Variants in OTOF observed in about 807,000 individuals in gnomAD.
OTOF encodes otoferlin.
OTOF carries 218 observed loss-of-function variants against 236.8 expected under a neutral mutation model. That is an observed-to-expected ratio of 0.92 (90% CI 0.82 to 1.03). The LOEUF (loss-of-function observed/expected upper bound fraction) is 1.03. Ranked by LOEUF, OTOF falls within the 50% of genes least tolerant of loss-of-function variation. The probability of loss-of-function intolerance (pLI) is 0.00; values close to 1 mark genes in which losing one functional copy is unlikely to be tolerated. For missense variants in OTOF, 2,590 were observed against 2,694.4 expected (o/e 0.96, Z 0.86); for synonymous variants, 1,041 against 1,072.5 (o/e 0.97, Z 0.57).
At chr2:26,475,692 CCT>C in intron 24 of OTOF, among the ~76,000 whole-genome samples, 199 bp from the exon 25 acceptor site, 1 of 152,290 alleles carries the variant, frequency 6.6e-6, no homozygotes, top group Non-Finnish European at 1.5e-5. Flanking sequence ...CCTTGTCGTC[CCT>C]GTCTTGTGAA....
intron 3 of OTOF, among the ~76,000 whole-genome samples, chr2:26,526,506 A>G (rs948668574): frequency 5.9e-5 from 9 of 152,054 alleles, no homozygotes; most frequent in South Asian, 2.1e-4. Context: ...TGGATGGATG[A>G]ATGGATCAAT....
In OTOF at chr2:26,461,639, G is replaced by C; in HGVS notation, c.5533+57C>G. 6.2e-7 allele frequency: 1 copy of C among 1,607,816 alleles called. No individual in the cohort carries two copies. The highest frequency in any genetic ancestry group is 8.5e-7 in the Non-Finnish European group (1 of 1,178,998). On this transcript the variant is annotated intron_variant, in intron 43 of 46. Coordinates refer to ENST00000272371, the MANE Select transcript of OTOF (RefSeq NM_194248.3). This position sits in a 1 kb window ranked among gnomAD's most constrained non-coding sequence, Gnocchi z 6.2. ...GGCTCTCCCTGTCCCCGCCAACCCG[G>C]CCCCTGCCTCTTCTCAGTTCTGGAT...
chr2:26,498,580 C>T (rs1049693807), intron 8 of OTOF, among the ~76,000 whole-genome samples: 72 of 152,326 alleles, frequency 4.7e-4, no homozygotes, highest in African/African-American at 1.7e-3. Flanking sequence ...AAGAGGCAAA[C>T]GGAGCCACAG....
Position 26,477,883 on chromosome 2 carries a change from T to G in OTOF, c.2215-134A>C. Reference sequence around the variant, plus strand: ...GCTCTCGCTAGGGCCATCCTGAGTATCGGTCATCATGAGGAAGTCATCAAT... The same window carrying G: ...GCTCTCGCTAGGGCCATCCTGAGTAGCGGTCATCATGAGGAAGTCATCAAT... On this transcript the variant is annotated intron_variant, in intron 18 of 46. Transcript: ENST00000272371. This position sits in a 1 kb window ranked among gnomAD's most constrained non-coding sequence, Gnocchi z 4.7. 1 of 1,546,812 alleles carries G rather than the reference T, an allele frequency of 6.5e-7. No individual in the cohort carries two copies. The highest frequency in any genetic ancestry group is 1.4e-5 in the African/African-American group (1 of 72,934).
chr2:26,538,508 C>A (rs1558523154), intron 1 of OTOF, among the ~76,000 whole-genome samples: 1 of 152,240 alleles, frequency 6.6e-6, no homozygotes. Context: ...CCCACTAGGG[C>A]ATGTTGGGAG....
chr2:26,489,694 T>G lies in OTOF; in HGVS notation c.944A>C (p.Lys315Thr), dbSNP rs752314006. Reference sequence around the variant, plus strand: ...CCCACTCACCGAAATCTTGATGATCTTGTCAAACATGACATCCGGAGAGAC... The same window carrying G: ...CCCACTCACCGAAATCTTGATGATCGTGTCAAACATGACATCCGGAGAGAC... ...FHVSPDVMFD[K>T]IIKISVIHSK... Residue 315 changes from lysine to threonine, a missense_variant, in exon 10 of 47, where the codon AAG (lysine) becomes ACG (threonine). Physicochemically the swap from Lys to Thr is moderately conservative, Grantham distance 78. Coordinates refer to ENST00000272371, the MANE Select transcript of OTOF (RefSeq NM_194248.3). 1.9e-6 allele frequency: 3 copies of G among 1,612,960 alleles called. No homozygotes were observed. The Admixed American group carries it at 5.0e-5, about 27-fold the overall frequency.
chr2:26,483,390 C>A, intron 13 of OTOF, 72 bp downstream of exon 13: 1 of 1,411,414 alleles, frequency 7.1e-7, no homozygotes, highest in South Asian at 1.2e-5. Context: ...TGCCCCAGGC[C>A]CCACACCCAT....
intron 8 of OTOF, among the ~76,000 whole-genome samples, chr2:26,499,107 A>G (rs1309456812): frequency 4.6e-5 from 7 of 152,162 alleles, no homozygotes; most frequent in Admixed American, 6.5e-5. Context: ...ATGGTAATAA[A>G]GAGACTCAAG....
chr2:26,532,273 A>G (rs925533615), intron 2 of OTOF, among the ~76,000 whole-genome samples: 1 of 152,062 alleles, frequency 6.6e-6, no homozygotes. Context: ...CCGCGGGCAC[A>G]AGGCTGGTTG....
At position 26,480,861 on chromosome 2, in the gene OTOF, C is replaced by A; in HGVS notation, c.1728G>T (p.Glu576Asp). The A allele has an allele frequency of 6.2e-7, 1 of 1,612,998 alleles. No homozygotes were observed. Residue 576 changes from glutamate to aspartate, a missense_variant, in exon 15 of 47, where the codon GAG (glutamate) becomes GAT (aspartate). Around this residue, in one of 2 missense-constraint regions of OTOF, gnomAD observed 1,379 missense variants for 1,341.6 expected, o/e 1.03. Coordinates refer to ENST00000272371, the MANE Select transcript of OTOF (RefSeq NM_194248.3). ...GCTCAGGGTTGGAGGTGTCTACGAT[C>A]TCCACAGCCAGGCCCAGCAGGAGCC... ...RARLLLGLAV[E>D]IVDTSNPELT...
intron 36 of OTOF, 76 bp downstream of exon 36, chr2:26,466,638 G>T: frequency 6.4e-7 from 1 of 1,554,264 alleles, no homozygotes; most frequent in Non-Finnish European, 8.9e-7. Context: ...CACCTGGCCA[G>T]TATGCAGCTT....
intron 39 of OTOF, 149 bp downstream of exon 39, chr2:26,464,720 G>A: frequency 1.4e-6 from 1 of 713,792 alleles, no homozygotes; most frequent in South Asian, 2.8e-5. Flanking sequence ...ACGGGGCTCT[G>A]GGGTGATGAG....
At position 26,462,663 on chromosome 2, in the gene OTOF, G is replaced by A. The variant is rs2148021864; in HGVS notation, c.5193-482C>T. ...CTGCGAGCCCAGAGTGGCCCAGTGAGTTGGGTGCCCCCTAATGACAGGCCC... is the reference window on the plus strand; with the variant it reads ...CTGCGAGCCCAGAGTGGCCCAGTGAATTGGGTGCCCCCTAATGACAGGCCC... On this transcript the variant is annotated intron_variant, in intron 41 of 46. Coordinates refer to ENST00000272371, the MANE Select transcript of OTOF (RefSeq NM_194248.3). This position sits in a 1 kb window ranked among gnomAD's most constrained non-coding sequence, Gnocchi z 4.7. Among the ~76,000 whole-genome samples the A allele has an allele frequency of 6.6e-6, 1 of 152,358 alleles. No homozygotes were observed. The highest frequency in any genetic ancestry group is 1.5e-5 in the Non-Finnish European group (1 of 68,038).
chr2:26,476,206 G>C lies in OTOF; in HGVS notation c.2788C>G (p.Pro930Ala), dbSNP rs746541787. 6.2e-7 allele frequency: 1 copy of C among 1,610,200 alleles called. No individual in the cohort carries two copies. Among genetic ancestry groups the C allele is most frequent in the Middle Eastern group, 1.7e-4 (1 of 6,024 alleles). ...KQRKEFLCGL[P>A]CGFQEVKAAQ... ...GCCTTGACCTCCTGGAAGCCACAGG[G>C]CAGGCCGCACAGGAACTCCTTGCGC... Residue 930 changes from proline (P) to alanine (A), a missense_variant, in exon 23 of 47, where the codon CCC (proline) becomes GCC (alanine). Physicochemically the swap from Pro to Ala is conservative, Grantham distance 27. Around this residue, in one of 2 missense-constraint regions of OTOF, gnomAD observed 1,379 missense variants for 1,341.6 expected, o/e 1.03. Coordinates refer to ENST00000272371, the MANE Select transcript of OTOF (RefSeq NM_194248.3).
At chr2:26,498,465 AAAAT>A (rs1454454167) in intron 8 of OTOF, among the ~76,000 whole-genome samples, 1 of 152,206 alleles carries the variant, frequency 6.6e-6, no homozygotes, top group Non-Finnish European at 1.5e-5. Flanking sequence ...CTTGAAATAA[AAAAT>A]AAAAAATGGC....
intron 2 of OTOF, among the ~76,000 whole-genome samples, chr2:26,534,819 G>A (rs1409291260): frequency 6.6e-6 from 1 of 152,198 alleles, no homozygotes; most frequent in Non-Finnish European, 1.5e-5. Flanking sequence ...GGCTCCGGCA[G>A]GCCCTGGGCA....
At chr2:26,459,432 G>A (rs915119333) in intron 46 of OTOF, among the ~76,000 whole-genome samples, 2 of 151,912 alleles carry the variant, frequency 1.3e-5, no homozygotes, top group Non-Finnish European at 2.9e-5. Context: ...GGTGCCTGTA[G>A]TCCCAGCTAC....
chr2:26,519,751 T>A (rs1341620472), intron 3 of OTOF, among the ~76,000 whole-genome samples: 1 of 152,150 alleles, frequency 6.6e-6, no homozygotes, highest in Non-Finnish European at 1.5e-5. Flanking sequence ...TTCCTTAAGC[T>A]CTCTCAGTGT....
chr2:26,474,229 G>C, intron 26 of OTOF, 119 bp from the exon 27 acceptor site: 1 of 1,399,122 alleles, frequency 7.1e-7, no homozygotes, highest in Non-Finnish European at 9.8e-7. Flanking sequence ...CACGCCCCCA[G>C]CTTTGGTCAG....
Sources: gnomAD v4.1 joint callset for allele counts (sites outside exome capture counted in the v4.1 genomes callset) on GRCh38, gnomAD v4.1.1 for gene constraint, gnomAD v4.1.1 regional missense constraint, Gnocchi (gnomAD v3.1) non-coding constraint, MANE v1.5 for transcripts, NCBI Gene and HGNC (gene_info 2026-07-23, HGNC 2026-07-21) for gene names.